Variants in SUMF2 observed in about 807,000 individuals in gnomAD.
SUMF2 encodes inactive C-alpha-formylglycine-generating enzyme 2.
In SUMF2, 45 loss-of-function variants were observed where a neutral mutation model predicts 44.8. The observed-to-expected ratio is 1.00, with a 90% confidence interval of 0.79 to 1.29. The LOEUF is 1.29. SUMF2 is among the 50% of genes most tolerant of loss of function. The probability of loss-of-function intolerance (pLI) is 0.00; values close to 1 mark genes in which losing one functional copy is unlikely to be tolerated. For missense variants in SUMF2, 418 were observed against 389.9 expected (o/e 1.07, Z -0.61); for synonymous variants, 148 against 150.4 (o/e 0.98, Z 0.12).
At chr7:56,083,208 C>T, downstream of SUMF2, 1 of 1,390,666 alleles carries the variant, frequency 7.2e-7, no homozygotes, top group Non-Finnish European at 1.0e-6. Flanking sequence ...AAACCCAGAC[C>T]ATCTCTATTC....
the SUMF2 span, chr7:56,087,780 G>A: frequency 2.5e-6 from 4 of 1,608,392 alleles, no homozygotes; most frequent in African/African-American, 5.3e-5. Context: ...AACGCCCCTG[G>A]GAGTGCAGAG....
downstream of SUMF2, chr7:56,083,708 T>C: frequency 6.3e-7 from 1 of 1,577,178 alleles, no homozygotes; most frequent in Non-Finnish European, 8.6e-7. Context: ...AGCTCCCCTC[T>C]CTTCATCCTG....
intron 4 of SUMF2, 95 bp from the exon 5 acceptor site, chr7:56,074,491 C>T: frequency 1.3e-6 from 2 of 1,499,466 alleles, no homozygotes; most frequent in Admixed American, 1.9e-5. Flanking sequence ...CTTGCTCCAT[C>T]TAGTGGTAAA....
intron 4 of SUMF2, 113 bp from the exon 5 acceptor site, chr7:56,074,473 C>A: frequency 7.1e-7 from 1 of 1,409,074 alleles, no homozygotes; most frequent in Non-Finnish European, 9.6e-7. Flanking sequence ...CGGCTCTCTT[C>A]CAGCTCTCTT....
chr7:56,083,759 C>T (rs1446290370), downstream of SUMF2: 1 of 1,328,400 alleles, frequency 7.5e-7, no homozygotes, highest in East Asian at 2.5e-5. Flanking sequence ...CCCAAGACCA[C>T]CACTGCCCTT....
At chr7:56,075,478 C>T (rs1324677687) in intron 5 of SUMF2, among the ~76,000 whole-genome samples, 3 of 151,780 alleles carry the variant, frequency 2.0e-5, no homozygotes, top group African/African-American at 7.3e-5. Flanking sequence ...GGGTGGATCA[C>T]GAGGTCAGGA....
downstream of SUMF2, chr7:56,080,932 G>A: frequency 1.7e-6 from 2 of 1,200,176 alleles, no homozygotes; most frequent in African/African-American, 1.5e-5. Flanking sequence ...AGTTCCAGGG[G>A]TTCCTGGCCA....
intron 2 of SUMF2, 38 bp from the exon 3 acceptor site, chr7:56,072,959 A>T: frequency 6.5e-7 from 1 of 1,528,358 alleles, no homozygotes; most frequent in Non-Finnish European, 9.1e-7. Context: ...TGGGCACAGA[A>T]CCTCACCAGC....
At chr7:56,086,532 A>G in the SUMF2 span, among the ~76,000 whole-genome samples, 1 of 152,064 alleles carries the variant, frequency 6.6e-6, no homozygotes, top group East Asian at 1.9e-4. Flanking sequence ...CTCGTAGCCC[A>G]GGCTGGAGTT....
downstream of SUMF2, chr7:56,082,335 A>G: frequency 5.4e-6 from 6 of 1,103,458 alleles, no homozygotes; most frequent in East Asian, 2.4e-5. Context: ...GCTCATTTCT[A>G]TAATCCTAGC....
At chr7:56,077,610 C>T (rs915504911) in intron 6 of SUMF2, among the ~76,000 whole-genome samples, 2 of 150,874 alleles carry the variant, frequency 1.3e-5, no homozygotes, top group African/African-American at 4.9e-5. Context: ...AGTGAGCTAC[C>T]ACTGTACTCT....
intron 6 of SUMF2, 60 bp downstream of exon 6, chr7:56,076,949 C>T (rs889161856): frequency 7.8e-6 from 12 of 1,537,868 alleles, no homozygotes; most frequent in African/African-American, 2.8e-5. Flanking sequence ...AGGCTGGGCA[C>T]TGTGTTGTTA....
chr7:56,078,396 T>G lies in SUMF2; in HGVS notation c.709T>G (p.Trp237Gly), dbSNP rs1233561856. 1 of 1,610,372 alleles carries G rather than the reference T, an allele frequency of 6.2e-7. No homozygotes were observed. The highest frequency in any genetic ancestry group is 2.2e-5 in the East Asian group (1 of 44,778). Residue 237 changes from tryptophan to glycine, a missense_variant, in exon 8 of 9, where the codon TGG (tryptophan) becomes GGG (glycine). By Grantham distance (184) the Trp-to-Gly change is radical. Transcript: ENST00000434526. Reference protein sequence around the residue: ...LYDLLGNVWEWTASPYQAAEQ... With the variant: ...LYDLLGNVWEGTASPYQAAEQ... ...TGACCTCCTGGGGAACGTGTGGGAG[T>G]GGACAGCATCACCGTACCAGGCTGC...
At chr7:56,070,056 G>A (rs1206955962) in intron 2 of SUMF2, among the ~76,000 whole-genome samples, 2 of 152,004 alleles carry the variant, frequency 1.3e-5, no homozygotes, top group East Asian at 3.9e-4. Context: ...TTACAGGCAT[G>A]CACCACCACG....
At chr7:56,074,130 G>T in intron 3 of SUMF2, 44 bp from the exon 4 acceptor site, 2 of 1,605,520 alleles carry the variant, frequency 1.2e-6, no homozygotes, top group Non-Finnish European at 8.5e-7. Context: ...AGGTGCCTTT[G>T]CTGGGCCGGA....
intron 8 of SUMF2, 122 bp from the exon 9 acceptor site, chr7:56,079,406 C>T: frequency 1.0e-6 from 1 of 987,100 alleles, no homozygotes; most frequent in Non-Finnish European, 1.5e-6. Context: ...CCAGACCATG[C>T]TCTCCCCAGC....
chr7:56,086,936 T>C, the SUMF2 span: 1 of 1,575,964 alleles, frequency 6.3e-7, no homozygotes, highest in Non-Finnish European at 8.7e-7. Flanking sequence ...GGAGGTTCTC[T>C]CAGGTGTGGC....
downstream of SUMF2, chr7:56,083,231 A>T: frequency 6.3e-7 from 1 of 1,584,090 alleles, no homozygotes; most frequent in East Asian, 2.2e-5. Flanking sequence ...CAGATGGTTG[A>T]TTGAGCACCC....
chr7:56,087,898 C>G, the SUMF2 span: 1 of 752,558 alleles, frequency 1.3e-6, no homozygotes, highest in African/African-American at 1.7e-5. Context: ...CCAACTTCCT[C>G]TGAGCTTTTG....
Sources: allele counts gnomAD v4.1 joint callset (sites outside exome capture counted in the v4.1 genomes callset), GRCh38; gene constraint gnomAD v4.1.1; transcripts MANE v1.5; gene names NCBI Gene and HGNC (gene_info 2026-07-23, HGNC 2026-07-21).